Variants in TRABD2B observed in about 807,000 individuals in gnomAD.
The protein encoded by TRABD2B is TraB domain containing 2B, also known as metalloprotease TIKI2.
In TRABD2B, 14 loss-of-function variants were observed where a neutral mutation model predicts 40.1. That is an observed-to-expected ratio of 0.35 (90% CI 0.23 to 0.55). The LOEUF is 0.55. TRABD2B is among the 20% of genes least tolerant of loss of function. The pLI is 0.90. For synonymous variants in TRABD2B, 263 were observed against 277.0 expected (o/e 0.95, Z 0.50); for missense variants, 541 against 648.6 (o/e 0.83, Z 1.80).
chr1:47,839,165 A>G (rs1645360204), intron 2 of TRABD2B, among the ~76,000 whole-genome samples: 1 of 152,160 alleles, frequency 6.6e-6, no homozygotes, highest in South Asian at 2.1e-4. Flanking sequence ...ACGTTATACA[A>G]TGGAGTAAGC....
intron 2 of TRABD2B, among the ~76,000 whole-genome samples, chr1:47,896,403 C>T (rs868643346): frequency 4.6e-5 from 7 of 152,318 alleles, no homozygotes; most frequent in Middle Eastern, 3.4e-3. Context: ...GCAGCCCACT[C>T]CACACTGATG....
chr1:47,968,694 T>C (rs946849624), intron 2 of TRABD2B, among the ~76,000 whole-genome samples: 6 of 152,244 alleles, frequency 3.9e-5, no homozygotes, highest in Non-Finnish European at 2.9e-5. Context: ...AGACTAGCTC[T>C]GGGGTGGGCG....
rs1645547560 is a variant in TRABD2B at position 47,963,209 on chromosome 1, T to G, written c.666+30825A>C. On this transcript the variant is annotated intron_variant, in intron 2 of 6. Transcript: ENST00000606738. ...AACAGGTTTCTGGAAGCAGGGACCATCTCACAAATAGGTGACTTGCAATAT... is the reference window on the plus strand; with the variant it reads ...AACAGGTTTCTGGAAGCAGGGACCAGCTCACAAATAGGTGACTTGCAATAT... 2.0e-5 allele frequency among the ~76,000 whole-genome samples: 3 copies of G among 152,210 alleles called. No homozygotes were observed. The South Asian group carries it at 6.2e-4, about 32-fold the overall frequency.
At chr1:47,903,335 C>A (rs892569109) in intron 2 of TRABD2B, among the ~76,000 whole-genome samples, 2 of 152,160 alleles carry the variant, frequency 1.3e-5, no homozygotes, top group African/African-American at 4.8e-5. Context: ...ATCCCCTATG[C>A]CTTGCCATTC....
At chr1:47,957,336 C>A (rs1645439176) in intron 2 of TRABD2B, among the ~76,000 whole-genome samples, 2 of 152,268 alleles carry the variant, frequency 1.3e-5, no homozygotes, top group African/African-American at 4.8e-5. Flanking sequence ...TCACCAGCAA[C>A]AGAACAAAGC....
chr1:47,957,842 TCAGTAAATA>T (rs1243849965), intron 2 of TRABD2B, among the ~76,000 whole-genome samples: 8 of 152,262 alleles, frequency 5.3e-5, no homozygotes, highest in Admixed American at 5.2e-4. Flanking sequence ...ACATTCAAAT[TCAGTAAATA>T]CAGAGACCAC....
chr1:47,810,188 TTGA>T (rs1557584918), intron 2 of TRABD2B, among the ~76,000 whole-genome samples: 2 of 149,488 alleles, frequency 1.3e-5, no homozygotes, highest in East Asian at 4.0e-4. Context: ...GTGTTGGGAG[TTGA>T]TATTTTATTA....
intron 2 of TRABD2B, among the ~76,000 whole-genome samples, chr1:47,880,930 G>A (rs1644294450): frequency 6.6e-6 from 1 of 152,214 alleles, no homozygotes; most frequent in Admixed American, 6.5e-5. Flanking sequence ...GCAGCAGTGA[G>A]AACAGCAATC....
rs539256275 is a variant in TRABD2B, at chr1:47,882,734, C to G, written c.667-81115G>C. Reference sequence around the variant, plus strand: ...CATGCCATGCAGCTCTGGAGGGGAGCAAGGGTCACAATAACCTCCAAATCA... The same window carrying G: ...CATGCCATGCAGCTCTGGAGGGGAGGAAGGGTCACAATAACCTCCAAATCA... On this transcript the variant is annotated intron_variant, in intron 2 of 6. Transcript: ENST00000606738. 1.2e-4 allele frequency among the ~76,000 whole-genome samples: 19 copies of G among 152,178 alleles called. No homozygotes were observed. The South Asian group carries it at 4.0e-3, about 32-fold the overall frequency.
chr1:47,793,287 A>C (rs1644701170), intron 4 of TRABD2B, among the ~76,000 whole-genome samples: 1 of 152,168 alleles, frequency 6.6e-6, no homozygotes, highest in Non-Finnish European at 1.5e-5. Context: ...TCCTGCATGA[A>C]CCCAGAACTC....
At chr1:47,957,564 C>T (rs1221539085) in intron 2 of TRABD2B, among the ~76,000 whole-genome samples, 1 of 152,082 alleles carries the variant, frequency 6.6e-6, no homozygotes, top group East Asian at 1.9e-4. Flanking sequence ...CTTCATGACG[C>T]ATGCACAAGC....
chr1:47,836,087 G>A (rs1645314940), intron 2 of TRABD2B, among the ~76,000 whole-genome samples: 1 of 152,168 alleles, frequency 6.6e-6, no homozygotes, highest in Non-Finnish European at 1.5e-5. Context: ...TTGTCATTAA[G>A]TTGATATTAA....
intron 2 of TRABD2B, among the ~76,000 whole-genome samples, chr1:47,898,167 G>C (rs1478460229): frequency 1.3e-5 from 2 of 152,182 alleles, no homozygotes; most frequent in African/African-American, 2.4e-5. Context: ...TACTGGTGAG[G>C]AATGTGGAGG....
At chr1:47,871,408 C>A (rs1242104183) in intron 2 of TRABD2B, among the ~76,000 whole-genome samples, 1 of 152,176 alleles carries the variant, frequency 6.6e-6, no homozygotes, top group East Asian at 1.9e-4. Context: ...TCAGAGCCAG[C>A]AAGGAAATTC....
intron 2 of TRABD2B, among the ~76,000 whole-genome samples, chr1:47,901,561 C>G (rs1178375003): frequency 6.6e-6 from 1 of 152,240 alleles, no homozygotes; most frequent in Non-Finnish European, 1.5e-5. Context: ...CTCCACCTCC[C>G]TGACTTAACT....
At chr1:47,812,989 T>C (rs756567306) in intron 2 of TRABD2B, among the ~76,000 whole-genome samples, 156 of 152,152 alleles carry the variant, frequency 1.0e-3, no homozygotes, top group Non-Finnish European at 1.9e-3. Context: ...GGAGGGATAA[T>C]GGTCTACACG....
In TRABD2B at chr1:47,967,336, AACACACACAC is replaced by A. The variant is rs56776440; in HGVS notation, c.666+26688_666+26697del. 2.7e-4 allele frequency among the ~76,000 whole-genome samples: 40 copies of A among 147,376 alleles called. 1 individual carries two copies. Among genetic ancestry groups the A allele is most frequent in the Middle Eastern group, 3.4e-3 (1 of 294 alleles). ...ATGAGTGTATGTGAATAAGCAAGAA[AACACACACAC>A]ACACACACACACACACACACACACA... On this transcript the variant is annotated intron_variant, in intron 2 of 6. Coordinates refer to ENST00000606738, the MANE Select transcript of TRABD2B (RefSeq NM_001194986.2).
At chr1:47,815,214 A>G (rs989179144) in intron 2 of TRABD2B, among the ~76,000 whole-genome samples, 1 of 152,208 alleles carries the variant, frequency 6.6e-6, no homozygotes, top group Non-Finnish European at 1.5e-5. Context: ...GGTCTTGGGA[A>G]AAGAACACAG....
chr1:47,802,762 C>T lies in TRABD2B; in HGVS notation c.667-1143G>A, dbSNP rs146742070. On this transcript the variant is annotated intron_variant, in intron 2 of 6. Transcript: ENST00000606738. The stretch of plus-strand genomic sequence containing the variant: ...CCCCTGCACCAGTCCCGCCCATCTC[C>T]GGGCACACCCCCTCCCTTCTCTTCT... 1.5e-3 allele frequency among the ~76,000 whole-genome samples: 230 copies of T among 152,232 alleles called. 1 individual carries two copies. Among genetic ancestry groups the T allele is most frequent in the African/African-American group, 5.4e-3 (223 of 41,516 alleles).
Sources: gnomAD v4.1 joint callset for allele counts (sites outside exome capture counted in the v4.1 genomes callset) on GRCh38, gnomAD v4.1.1 for gene constraint, MANE v1.5 for transcripts, NCBI Gene and HGNC (gene_info 2026-07-23, HGNC 2026-07-21) for gene names.